NAV2: variants seen among roughly 807,000 people sequenced by gnomAD.
The protein encoded by NAV2 is neuron navigator 2, also known as helicase, APC down-regulated 1.
Under a neutral mutation model 223.2 loss-of-function variants are expected in NAV2, and 54 were observed. The observed-to-expected ratio is 0.24, with a 90% CI of 0.19 to 0.30. The LOEUF (loss-of-function observed/expected upper bound fraction) is 0.30. Among genes scored for constraint, NAV2 ranks in the 10% least tolerant of loss-of-function variants. The probability of loss-of-function intolerance (pLI) is 1.00; values close to 1 mark genes in which losing one functional copy is unlikely to be tolerated. For synonymous variants in NAV2, 1,279 were observed against 1,239.3 expected, an observed-to-expected ratio of 1.03 and a Z score of -0.67; for missense variants, 2,806 against 3,147.5, an observed-to-expected ratio of 0.89 and a Z score of 2.60.
At chr11:20,004,971 T>C (rs1591625920) in intron 11 of NAV2, among the ~76,000 whole-genome samples, 1 of 152,172 alleles carries the variant, frequency 6.6e-6, no homozygotes, top group Middle Eastern at 3.4e-3. Context: ...TAAGAAGTGC[T>C]TCTTGGTGGA....
chr11:19,910,530 G>A (rs1565541534), intron 6 of NAV2, among the ~76,000 whole-genome samples: 1 of 152,158 alleles, frequency 6.6e-6, no homozygotes, highest in Non-Finnish European at 1.5e-5. Flanking sequence ...GAGGCGCCCT[G>A]GAGTTTGTTT....
intron 36 of NAV2, among the ~76,000 whole-genome samples, chr11:20,108,332 C>G (rs943073911): frequency 4.6e-5 from 7 of 152,182 alleles, no homozygotes; most frequent in African/African-American, 1.7e-4. Context: ...GGTTCTTAGC[C>G]CTGAGGCTGG....
chr11:20,114,424 G>T, intron 36 of NAV2, 168 bp from the exon 37 acceptor site: 1 of 649,282 alleles, frequency 1.5e-6, no homozygotes, highest in Middle Eastern at 3.5e-4. Context: ...TTAGCACCTC[G>T]AACTGTCTGC....
intron 12 of NAV2, among the ~76,000 whole-genome samples, chr11:20,038,550 C>A (rs1012601352): frequency 6.6e-6 from 1 of 152,202 alleles, no homozygotes; most frequent in African/African-American, 2.4e-5. Flanking sequence ...TCCCATCCTC[C>A]TCCCTCATAT....
intron 1 of NAV2, among the ~76,000 whole-genome samples, chr11:19,729,281 T>C (rs1046100876): frequency 3.3e-5 from 5 of 152,102 alleles, no homozygotes; most frequent in African/African-American, 4.8e-5. Context: ...GCATGCAAGA[T>C]CCCGAGAAAA....
At chr11:19,397,418 T>TGTGTGTGTGTGTGCAC (rs57566081) in intron 1 of NAV2, among the ~76,000 whole-genome samples, 20 of 145,356 alleles carry the variant, frequency 1.4e-4, no homozygotes, top group African/African-American at 5.2e-4. Context: ...TGTGTGTGTG[T>TGTGTGTGTGTGTGCAC]GCGCGCATGT....
At chr11:19,846,961 AC>A (rs774957799) in intron 3 of NAV2, among the ~76,000 whole-genome samples, 1 of 152,118 alleles carries the variant, frequency 6.6e-6, no homozygotes, top group South Asian at 2.1e-4. Context: ...CAACACTCCC[AC>A]CCCATTCCCT....
chr11:19,481,468 T>C (rs936685588), intron 1 of NAV2, among the ~76,000 whole-genome samples: 1 of 152,188 alleles, frequency 6.6e-6, no homozygotes, highest in African/African-American at 2.4e-5. Context: ...GGTTAAGAGA[T>C]GACATGCTGA....
chr11:19,714,149 G>A (rs2050086087), intron 1 of NAV2, 187 bp downstream of exon 1: 3 of 842,134 alleles, frequency 3.6e-6, no homozygotes, highest in East Asian at 2.7e-5. Context: ...GGTGTGGCCC[G>A]GGTGCCGGAG....
intron 26 of NAV2, among the ~76,000 whole-genome samples, chr11:20,090,248 C>T (rs1419826108): frequency 6.6e-6 from 1 of 152,212 alleles, no homozygotes; most frequent in African/African-American, 2.4e-5. Context: ...CCCTGCTTCT[C>T]TGAGTCGGTT....
intron 1 of NAV2, among the ~76,000 whole-genome samples, chr11:19,369,385 G>A (rs753593437): frequency 6.6e-6 from 1 of 152,118 alleles, no homozygotes; most frequent in African/African-American, 2.4e-5. Flanking sequence ...TTTATAAAAT[G>A]ACCACAACTT....
intron 1 of NAV2, among the ~76,000 whole-genome samples, chr11:19,407,652 T>G (rs1398882234): frequency 6.6e-6 from 1 of 152,088 alleles, no homozygotes; most frequent in African/African-American, 2.4e-5. Context: ...ACTTCAGCCT[T>G]TGGGACTTGT....
chr11:19,837,398 G>A (rs1031105465), intron 2 of NAV2, among the ~76,000 whole-genome samples: 2 of 152,102 alleles, frequency 1.3e-5, no homozygotes, highest in Non-Finnish European at 2.9e-5. Flanking sequence ...ATTTGAGGAG[G>A]AGCAGGATTT....
chr11:20,013,296 G>A (rs2053724759), intron 11 of NAV2, among the ~76,000 whole-genome samples: 3 of 152,190 alleles, frequency 2.0e-5, no homozygotes, highest in African/African-American at 7.2e-5. Context: ...AGCAAAATTT[G>A]TAAGTACTTT....
chr11:19,992,741 C>A (rs1437651739), intron 11 of NAV2, among the ~76,000 whole-genome samples: 2 of 152,050 alleles, frequency 1.3e-5, no homozygotes, highest in East Asian at 3.9e-4. Context: ...GTGCACACCA[C>A]CATGCCCAGC....
At chr11:19,391,974 AAAAT>A (rs1849266839) in intron 1 of NAV2, among the ~76,000 whole-genome samples, 1 of 152,220 alleles carries the variant, frequency 6.6e-6, no homozygotes, top group Non-Finnish European at 1.5e-5. Context: ...ATGAAGCTAA[AAAAT>A]AAATAATGGT....
intron 6 of NAV2, among the ~76,000 whole-genome samples, chr11:19,927,713 C>CA (rs150124143): frequency 0.034 from 5,104 of 151,534 alleles, 295 homozygotes; most frequent in African/African-American, 0.12. Context: ...CAAAACAAAA[C>CA]AAAAAAAACC....
intron 1 of NAV2, among the ~76,000 whole-genome samples, chr11:19,625,432 A>C (rs2047139829): frequency 6.6e-6 from 1 of 152,194 alleles, no homozygotes; most frequent in Admixed American, 6.5e-5. Flanking sequence ...TATATATACC[A>C]CATTTTCTTT....
intron 1 of NAV2, among the ~76,000 whole-genome samples, chr11:19,763,913 ATC>A (rs1191315220): frequency 1.5e-4 from 23 of 151,964 alleles, no homozygotes; most frequent in African/African-American, 5.6e-4. Flanking sequence ...GCCGTATAAC[ATC>A]TCTCTATCCA....
Sources: gnomAD v4.1 joint callset for allele counts (sites outside exome capture counted in the v4.1 genomes callset) on GRCh38, gnomAD v4.1.1 for gene constraint, MANE v1.5 for transcripts, NCBI Gene and HGNC (gene_info 2026-07-23, HGNC 2026-07-21) for gene names.